Variants in ARFGEF2 observed in about 807,000 individuals in gnomAD.
The protein encoded by ARFGEF2 is ARF guanine nucleotide exchange factor 2.
Under a neutral mutation model 219.9 loss-of-function variants are expected in ARFGEF2, and 74 were observed. The observed-to-expected ratio is 0.34, with a 90% CI of 0.28 to 0.41. The LOEUF (loss-of-function observed/expected upper bound fraction) is 0.41, where lower values mean the gene tolerates loss of function less well. Ranked by LOEUF, ARFGEF2 falls within the 10% of genes least tolerant of loss-of-function variation. ARFGEF2 has a pLI of 1.00. For synonymous variants in ARFGEF2, 733 were observed against 799.2 expected, an observed-to-expected ratio of 0.92 and a Z score of 1.40; for missense variants, 1,743 against 2,218.3, an observed-to-expected ratio of 0.79 and a Z score of 4.30.
intron 27 of ARFGEF2, among the ~76,000 whole-genome samples, chr20:49,011,584 C>T (rs923134404): frequency 1.3e-5 from 2 of 152,220 alleles, no homozygotes; most frequent in East Asian, 1.9e-4. Flanking sequence ...CCTGCGAGCA[C>T]GTAACAAGAT....
At chr20:49,025,768 G>A (rs2091598060) in intron 36 of ARFGEF2, among the ~76,000 whole-genome samples, 1 of 152,036 alleles carries the variant, frequency 6.6e-6, no homozygotes, top group South Asian at 2.1e-4. Context: ...GATCACTTGA[G>A]GCCAGGAGTT....
rs1425988646 is a variant in ARFGEF2, at chr20:48,935,740, C to A, written c.122-5459C>A. On this transcript the variant is annotated intron_variant, in intron 1 of 38. Transcript: ENST00000371917. ...GCGGGGGGCTGACACCCCCACCTCC[C>A]TCCCGGACAGGGCGGCTGGCTGGGC... 4.7e-5 allele frequency among the ~76,000 whole-genome samples: 7 copies of A among 149,500 alleles called. 1 individual carries two copies. The highest frequency in any genetic ancestry group is 1.7e-4 in the African/African-American group (7 of 40,498).
At chr20:49,003,764 G>A (rs1173882399) in intron 25 of ARFGEF2, among the ~76,000 whole-genome samples, 2 of 152,146 alleles carry the variant, frequency 1.3e-5, no homozygotes, top group Non-Finnish European at 2.9e-5. Flanking sequence ...TTCTCCTTGA[G>A]AGAAAAGTCT....
At chr20:48,940,477 G>A (rs6019545) in intron 1 of ARFGEF2, among the ~76,000 whole-genome samples, 56,267 of 151,880 alleles carry the variant, frequency 0.37, 11,486 homozygotes, top group African/African-American at 0.56. Context: ...TGTTATATTC[G>A]TTTCCAGTCT....
At chr20:49,002,198 A>G (rs537541754) in intron 25 of ARFGEF2, among the ~76,000 whole-genome samples, 1 of 152,342 alleles carries the variant, frequency 6.6e-6, no homozygotes, top group Admixed American at 6.5e-5. Flanking sequence ...AGATCGTGCC[A>G]TTGCACACCA....
chr20:48,951,579 G>T, intron 4 of ARFGEF2, 110 bp downstream of exon 4: 1 of 1,413,230 alleles, frequency 7.1e-7, no homozygotes, highest in South Asian at 1.2e-5. Flanking sequence ...TGCTGAGGTG[G>T]AACAGAAAGA....
Position 48,969,141 on chromosome 20 carries a change from TC to T in ARFGEF2, c.1060-4del. ...ACACCCAGCTGATGTTTGTTTCTGA[TC>T]CTAGGAATCGGATGCACAAGGACAT... On this transcript the variant is annotated splice_polypyrimidine_tract_variant and splice_region_variant and intron_variant, in intron 8 of 38. Coordinates refer to ENST00000371917, the MANE Select transcript of ARFGEF2 (RefSeq NM_006420.3). 6.2e-7 allele frequency: 1 copy of T among 1,613,892 alleles called. No homozygotes were observed. Among genetic ancestry groups the T allele is most frequent in the Non-Finnish European group, 8.5e-7 (1 of 1,179,916 alleles).
intron 1 of ARFGEF2, among the ~76,000 whole-genome samples, chr20:48,929,732 G>A (rs929283073): frequency 5.3e-5 from 8 of 152,162 alleles, no homozygotes; most frequent in Non-Finnish European, 8.8e-5. Flanking sequence ...CCTGAGTGAA[G>A]GCTCTATGGC....
intron 1 of ARFGEF2, among the ~76,000 whole-genome samples, chr20:48,931,530 T>C (rs1475280054): frequency 1.3e-5 from 2 of 152,002 alleles, no homozygotes; most frequent in African/African-American, 4.8e-5. Context: ...AAAAAATGAA[T>C]TAGTAAAGTG....
intron 1 of ARFGEF2, among the ~76,000 whole-genome samples, chr20:48,933,333 C>G (rs1490045844): frequency 1.3e-5 from 2 of 152,204 alleles, no homozygotes. Flanking sequence ...TGCTGGCCCT[C>G]TAACAGACTG....
At chr20:49,009,839 G>C (rs2091485389) in intron 26 of ARFGEF2, among the ~76,000 whole-genome samples, 1 of 152,046 alleles carries the variant, frequency 6.6e-6, no homozygotes, top group South Asian at 2.1e-4. Flanking sequence ...AATGTTTTTG[G>C]CCAGAAAAAC....
rs374281699 is a variant in ARFGEF2 at position 48,990,900 on chromosome 20, A to G, written c.2815-140A>G. 53 of 911,140 alleles carry G rather than the reference A, an allele frequency of 5.8e-5. 2 individuals are homozygous for G. Among genetic ancestry groups the G allele is most frequent in the East Asian group, 4.7e-4 (18 of 37,964 alleles). The allele number at this position is 911,140 out of a possible 1,614,324, so 56.4% of individuals were successfully genotyped here. Reference sequence around the variant, plus strand: ...AGCAAGAGGGCATTAGCATGGAATAACTGTTGTGCTAATGTGCAGAAAGCC... The same window carrying G: ...AGCAAGAGGGCATTAGCATGGAATAGCTGTTGTGCTAATGTGCAGAAAGCC... On this transcript the variant is annotated intron_variant, in intron 20 of 38. Transcript: ENST00000371917.
rs1458491388 is a variant in ARFGEF2, at chr20:48,965,770, CA to C, written c.908-100del. ...GGTGGCACAGGAAAAGGGGAAAAAG[CA>C]ACAGCTGGGAGGTTCACAGATAACT... On this transcript the variant is annotated intron_variant, in intron 7 of 38. Transcript: ENST00000371917. 3.5e-6 allele frequency: 5 copies of C among 1,426,252 alleles called. No homozygotes were observed. The African/African-American group carries it at 7.0e-5, about 20-fold the overall frequency. 88.3% of individuals were successfully genotyped at this position (1,426,252 alleles called of 1,614,324 possible).
At chr20:48,924,845 T>G (rs1173488536) in intron 1 of ARFGEF2, among the ~76,000 whole-genome samples, 5 of 152,306 alleles carry the variant, frequency 3.3e-5, no homozygotes, top group African/African-American at 9.6e-5. Context: ...CTTGGACAAG[T>G]TACTTCCTTA....
At position 48,941,916 on chromosome 20, in the gene ARFGEF2, T is replaced by G; in HGVS notation, c.205T>G (p.Phe69Val). 1 of 1,614,218 alleles carries G rather than the reference T, an allele frequency of 6.2e-7. No individual in the cohort carries two copies. Among genetic ancestry groups the G allele is most frequent in the Non-Finnish European group, 8.5e-7 (1 of 1,180,040 alleles). Residue 69 changes from phenylalanine to valine, a missense_variant, in exon 3 of 39, where the codon TTT becomes GTT. Physicochemically the swap from Phe to Val is conservative, Grantham distance 50. Around this residue, in one of 5 missense-constraint regions of ARFGEF2, gnomAD observed 394 missense variants for 426.6 expected, o/e 0.92. Transcript: ENST00000371917. ...AAACTTCATTGAAGCTGACAAGTATTTTCTTCCATTCGAGCTAGCTTGCCA... is the reference window on the plus strand; with the variant it reads ...AAACTTCATTGAAGCTGACAAGTATGTTCTTCCATTCGAGCTAGCTTGCCA... ...KANFIEADKYFLPFELACQSK... is the reference protein window; with the variant it reads ...KANFIEADKYVLPFELACQSK...
At chr20:49,021,588 C>G (rs1384650253) in intron 34 of ARFGEF2, among the ~76,000 whole-genome samples, 1 of 152,098 alleles carries the variant, frequency 6.6e-6, no homozygotes, top group African/African-American at 2.4e-5. Context: ...TGGCTCACAC[C>G]TGTAATCCTA....
intron 5 of ARFGEF2, among the ~76,000 whole-genome samples, chr20:48,953,241 T>C (rs992239229): frequency 2.6e-5 from 4 of 151,196 alleles, no homozygotes; most frequent in African/African-American, 7.3e-5. Context: ...AGTGACAGGA[T>C]CATGGCTCAC....
At position 48,989,316 on chromosome 20, in the gene ARFGEF2, G is replaced by A. The variant is rs1157522648; in HGVS notation, c.2565G>A (p.Leu855=). The A allele has an allele frequency of 6.2e-7, 1 of 1,614,088 alleles. No individual in the cohort carries two copies. Among genetic ancestry groups the A allele is most frequent in the Non-Finnish European group, 8.5e-7 (1 of 1,180,028 alleles). ...NVASEKQRRL[L]YNLEMEQMAK... is the part of the protein sequence containing the mutation. Reference sequence around the variant, plus strand: ...CTAGTGAAAAGCAGCGGCGGCTGCTGTACAACTTAGAGATGGAGCAAATGG... The same window carrying A: ...CTAGTGAAAAGCAGCGGCGGCTGCTATACAACTTAGAGATGGAGCAAATGG... Residue 855 remains leucine (L), a synonymous_variant, in exon 19 of 39, where the codon CTG becomes CTA. Transcript: ENST00000371917.
At position 48,941,817 on chromosome 20, in the gene ARFGEF2, G is replaced by A. The variant is rs528282177; in HGVS notation, c.153-47G>A. ...ATGGAATGGGAAGTTAGAGTAAGGT[G>A]TAGAAAATTCATTTCTTCTCCCGAC... On this transcript the variant is annotated intron_variant, in intron 2 of 38. Transcript: ENST00000371917. The A allele has an allele frequency of 5.0e-6, 8 of 1,613,942 alleles. No homozygotes were observed. In the East Asian group the frequency reaches 1.8e-4, roughly 36 times the overall value.
Sources: gnomAD v4.1 joint callset for allele counts (sites outside exome capture counted in the v4.1 genomes callset) on GRCh38, gnomAD v4.1.1 for gene constraint, gnomAD v4.1.1 regional missense constraint, MANE v1.5 for transcripts, NCBI Gene and HGNC (gene_info 2026-07-23, HGNC 2026-07-21) for gene names.